The following TUBB6 variants were observed in gnomAD, a reference collection of about 807,000 sequenced individuals.
TUBB6 encodes tubulin beta 6 class V.
Under a neutral mutation model 32.3 loss-of-function variants are expected in TUBB6, and 18 were observed. The observed-to-expected ratio is 0.56, with a 90% CI of 0.39 to 0.83. The LOEUF is 0.83. TUBB6 is among the 40% of genes least tolerant of loss of function. The pLI, the probability that TUBB6 is intolerant of heterozygous loss-of-function variation, is 0.00. For missense variants in TUBB6, 480 were observed against 632.0 expected, an observed-to-expected ratio of 0.76 and a Z score of 2.58; for synonymous variants, 280 against 265.8, an observed-to-expected ratio of 1.05 and a Z score of -0.52.
chr18:12,321,501 C>A (rs189211505), intron 3 of TUBB6, among the ~76,000 whole-genome samples: 198 of 152,314 alleles, frequency 1.3e-3, no homozygotes, highest in Non-Finnish European at 1.6e-3. Flanking sequence ...AGCTTGCTTA[C>A]CCGATGTAGC....
downstream of TUBB6, chr18:12,329,062 C>T (rs1436447699): frequency 2.9e-6 from 2 of 692,132 alleles, no homozygotes; most frequent in Non-Finnish European, 5.3e-6. Flanking sequence ...TCCATTAAGA[C>T]AGCAACAAGT....
chr18:12,310,888 C>A, intron 2 of TUBB6, 55 bp from the exon 3 acceptor site: 1 of 1,294,842 alleles, frequency 7.7e-7, no homozygotes, highest in East Asian at 2.4e-5. Context: ...ACGGGGAAGT[C>A]AATTACTTTA....
chr18:12,314,408 G>C (rs1598802499), intron 3 of TUBB6, among the ~76,000 whole-genome samples: 1 of 152,014 alleles, frequency 6.6e-6, no homozygotes, highest in East Asian at 1.9e-4. Context: ...CTGAATTATA[G>C]TTGGCTGAGT....
intron 3 of TUBB6, among the ~76,000 whole-genome samples, chr18:12,316,670 C>T (rs1007360609): frequency 6.6e-6 from 1 of 152,074 alleles, no homozygotes; most frequent in African/African-American, 2.4e-5. Context: ...AATGTATAAA[C>T]ATTCTATATT....
intron 3 of TUBB6, among the ~76,000 whole-genome samples, chr18:12,315,982 C>T (rs1568121723): frequency 6.6e-6 from 1 of 152,192 alleles, no homozygotes; most frequent in Non-Finnish European, 1.5e-5. Flanking sequence ...GGTGTGGTCA[C>T]GGAAAAGGCA....
intron 1 of TUBB6, 29 bp downstream of exon 1, chr18:12,308,378 C>T (rs8086993): frequency 7.3e-7 from 1 of 1,368,398 alleles, no homozygotes; most frequent in East Asian, 3.1e-5. Context: ...AGGGCCTCTC[C>T]GCGGGTCGGC....
chr18:12,317,540 A>G (rs186112644), intron 3 of TUBB6, among the ~76,000 whole-genome samples: 1 of 152,338 alleles, frequency 6.6e-6, no homozygotes, highest in East Asian at 1.9e-4. Context: ...TATTGTTGGA[A>G]AGTTTTGTGG....
chr18:12,320,136 G>A (rs1465508838), intron 3 of TUBB6, among the ~76,000 whole-genome samples: 1 of 152,004 alleles, frequency 6.6e-6, no homozygotes, highest in Admixed American at 6.6e-5. Context: ...GCTGAGGCAG[G>A]AGGATCCCTT....
upstream of TUBB6, chr18:12,307,766 G>A (rs1429768756): frequency 6.6e-6 from 1 of 151,208 alleles, no homozygotes; most frequent in Non-Finnish European, 1.5e-5. Flanking sequence ...GAGGCCCTAA[G>A]AACGTGTGCC....
At chr18:12,309,412 C>A (rs896030327) in intron 2 of TUBB6, among the ~76,000 whole-genome samples, 38 of 82,074 alleles carry the variant, frequency 4.6e-4, no homozygotes, top group South Asian at 4.4e-3. Flanking sequence ...CCCCCCCCCC[C>A]CCAGTTTAAA....
At chr18:12,319,134 CT>C (rs869296345) in intron 3 of TUBB6, among the ~76,000 whole-genome samples, 705 of 9,478 alleles carry the variant, frequency 0.074, 8 homozygotes, top group South Asian at 0.15. Context: ...TTCCTTTTTC[CT>C]TTTTTTTTTT....
Position 12,326,349 on chromosome 18 carries a change from G to C in TUBB6, c.*219G>C, listed in dbSNP as rs760538177. 2.0e-5 allele frequency: 13 copies of C among 640,648 alleles called. No homozygotes were observed. The highest frequency in any genetic ancestry group is 3.3e-5 in the Non-Finnish European group (13 of 394,768). The allele number at this position is 640,648 out of a possible 1,614,324, so 39.7% of individuals were successfully genotyped here. A position where few individuals can be genotyped will look rare whatever the true frequency, so the allele number is the denominator to read the frequency against. On this transcript the variant is annotated 3_prime_UTR_variant, in exon 4 of 4. Transcript: ENST00000317702. ...CCCAGTCAGAAGATCACACCATGGAGACTTTCTACTAGAGGACTTGAAAGA... is the reference window on the plus strand; with the variant it reads ...CCCAGTCAGAAGATCACACCATGGACACTTTCTACTAGAGGACTTGAAAGA...
chr18:12,315,637 C>G (rs913954970), intron 3 of TUBB6, among the ~76,000 whole-genome samples: 3 of 152,204 alleles, frequency 2.0e-5, no homozygotes, highest in African/African-American at 7.2e-5. Flanking sequence ...ACAGAGAAAC[C>G]TGCACACATA....
intron 2 of TUBB6, 48 bp downstream of exon 2, chr18:12,308,843 C>T (rs1186244039): frequency 1.6e-5 from 21 of 1,276,046 alleles, no homozygotes; most frequent in Non-Finnish European, 2.4e-5. Context: ...CCCGCGTGGA[C>T]GCTCCGGCGC....
At chr18:12,315,334 G>C (rs1406931446) in intron 3 of TUBB6, among the ~76,000 whole-genome samples, 1 of 152,078 alleles carries the variant, frequency 6.6e-6, no homozygotes, top group Non-Finnish European at 1.5e-5. Flanking sequence ...AAATTTGTCT[G>C]TTTCTCACTT....
intron 3 of TUBB6, among the ~76,000 whole-genome samples, chr18:12,313,561 C>T (rs1360555128): frequency 6.6e-6 from 1 of 152,174 alleles, no homozygotes; most frequent in Non-Finnish European, 1.5e-5. Flanking sequence ...CACTGGGGAA[C>T]ACATCCTATT....
intron 3 of TUBB6, among the ~76,000 whole-genome samples, chr18:12,320,056 A>G (rs1477797090): frequency 1.3e-5 from 2 of 151,816 alleles, no homozygotes; most frequent in African/African-American, 4.8e-5. Flanking sequence ...CCAAAGTGCT[A>G]AGATTACAAG....
intron 3 of TUBB6, chr18:12,324,772 A>G (rs1168641000): frequency 7.8e-6 from 10 of 1,275,734 alleles, no homozygotes; most frequent in African/African-American, 1.5e-5. Flanking sequence ...TTTTTAATGT[A>G]TACCTTTTGT....
chr18:12,308,285 C>T lies in TUBB6; in HGVS notation c.-8C>T, dbSNP rs535654999. On this transcript the variant is annotated 5_prime_UTR_variant, in exon 1 of 4. Coordinates refer to ENST00000317702, the MANE Select transcript of TUBB6 (RefSeq NM_032525.3). ...AGAGCCAGTTCCTAGCGCAGAGCCG[C>T]GCCCGCCATGAGGGAGATCGTGCAC... 2.2e-5 allele frequency: 32 copies of T among 1,445,538 alleles called. No homozygotes were observed. The highest frequency in any genetic ancestry group is 2.9e-5 in the Non-Finnish European group (32 of 1,094,274). 89.5% of individuals were successfully genotyped at this position (1,445,538 alleles called of 1,614,324 possible).
Sources: gnomAD v4.1 joint callset for allele counts (sites outside exome capture counted in the v4.1 genomes callset) on GRCh38, gnomAD v4.1.1 for gene constraint, MANE v1.5 for transcripts, NCBI Gene and HGNC (gene_info 2026-07-23, HGNC 2026-07-21) for gene names.